Variants in AKAP13 observed in about 807,000 individuals in gnomAD.
AKAP13 encodes A-kinase anchoring protein 13, also known as A-kinase anchor protein 13.
In AKAP13, 80 loss-of-function variants were observed where a neutral mutation model predicts 264.5. The ratio of observed to expected loss-of-function variants is 0.30; its 90% CI spans 0.25 to 0.36. The LOEUF (loss-of-function observed/expected upper bound fraction) is 0.36, where lower values mean the gene tolerates loss of function less well. Ranked by LOEUF, AKAP13 falls within the 10% of genes least tolerant of loss-of-function variation. AKAP13 has a pLI of 1.00. For synonymous variants in AKAP13, 1,380 were observed against 1,250.2 expected (o/e 1.10, Z -2.19); for missense variants, 3,712 against 3,435.2 (o/e 1.08, Z -2.01).
intron 1 of AKAP13, among the ~76,000 whole-genome samples, chr15:85,390,146 C>T (rs1002306045): frequency 1.1e-4 from 17 of 152,118 alleles, no homozygotes; most frequent in African/African-American, 3.1e-4. Context: ...TTGTCAGGCA[C>T]GGTTCTAGGT....
chr15:85,536,327 A>G (rs2077396267), intron 4 of AKAP13: 1 of 152,256 alleles, frequency 6.6e-6, no homozygotes, highest in Non-Finnish European at 1.5e-5. Flanking sequence ...AAGATGAAGA[A>G]TACCAAGTGC....
chr15:85,723,206 A>G lies in AKAP13; in HGVS notation c.6631A>G (p.Lys2211Glu), dbSNP rs2087402491. 6.2e-7 allele frequency: 1 copy of G among 1,614,102 alleles called. No individual in the cohort carries two copies. The highest frequency in any genetic ancestry group is 1.3e-5 in the African/African-American group (1 of 74,950). The stretch of plus-strand genomic sequence containing the variant: ...TGAGATTTATACAAAGACAGATAGC[A>G]AGTCAATCATGAGGATGAAGAGTGG... ...LNEIYTKTDSKSIMRMKSGQM... is the reference protein window; with the variant it reads ...LNEIYTKTDSESIMRMKSGQM... The change falls in exon 26 of 37, where the codon AAG becomes GAG. Residue 2211 changes from lysine (K) to glutamate (E), a missense_variant. Physicochemically the swap from Lys to Glu is moderately conservative, Grantham distance 56 (BLOSUM62 1). Transcript: ENST00000394518.
intron 2 of AKAP13, among the ~76,000 whole-genome samples, chr15:85,501,279 A>G (rs2076030832): frequency 6.6e-6 from 1 of 152,254 alleles, no homozygotes; most frequent in South Asian, 2.1e-4. Flanking sequence ...TCCTCCACAA[A>G]TCCTCATTTT....
At position 85,616,507 on chromosome 15, in the gene AKAP13, G is replaced by A. The variant is rs188101979; in HGVS notation, c.4162-22867G>A. On this transcript the variant is annotated intron_variant, in intron 8 of 36. Coordinates refer to ENST00000394518, the MANE Select transcript of AKAP13 (RefSeq NM_007200.5). ...TAAAGAATCTGGGACCATTTGTGTGGATAGAGGGCAGGATGGAGGCTGCAG... is the reference window on the plus strand; with the variant it reads ...TAAAGAATCTGGGACCATTTGTGTGAATAGAGGGCAGGATGGAGGCTGCAG... Among the ~76,000 whole-genome samples, 249 of 152,320 alleles carry A rather than the reference G, an allele frequency of 1.6e-3. 2 individuals are homozygous for A. The highest frequency in any genetic ancestry group is 5.6e-3 in the African/African-American group (232 of 41,570).
intron 14 of AKAP13, among the ~76,000 whole-genome samples, chr15:85,671,605 C>A (rs1359021371): frequency 6.6e-6 from 1 of 150,616 alleles, no homozygotes. Context: ...AGAACTGTGA[C>A]AGAAATAGCT....
At chr15:85,465,184 C>T (rs2074682591) in intron 1 of AKAP13, among the ~76,000 whole-genome samples, 1 of 150,340 alleles carries the variant, frequency 6.7e-6, no homozygotes. Context: ...GATCTCCTGA[C>T]CTTGTGATCC....
intron 12 of AKAP13, among the ~76,000 whole-genome samples, chr15:85,664,136 C>T (rs2083478466): frequency 6.6e-6 from 1 of 152,158 alleles, no homozygotes; most frequent in South Asian, 2.1e-4. Flanking sequence ...GCAAGTTACC[C>T]AGTTTGCCTT....
intron 30 of AKAP13, among the ~76,000 whole-genome samples, chr15:85,733,974 G>C (rs1355106261): frequency 1.4e-5 from 2 of 147,830 alleles, no homozygotes; most frequent in African/African-American, 5.0e-5. Flanking sequence ...CTGAGTAGCT[G>C]GGTTTATGGG....
chr15:85,528,473 C>A (rs1358752128), intron 3 of AKAP13, among the ~76,000 whole-genome samples: 1 of 152,092 alleles, frequency 6.6e-6, no homozygotes, highest in African/African-American at 2.4e-5. Flanking sequence ...ATAAAAACTA[C>A]CAGTTTTAGT....
Position 85,521,538 on chromosome 15 carries a change from G to A in AKAP13, c.144G>A (p.Arg48=), listed in dbSNP as rs116628862. The A allele has an allele frequency of 1.2e-6, 2 of 1,614,140 alleles. No individual in the cohort carries two copies. Among genetic ancestry groups the A allele is most frequent in the East Asian group, 2.2e-5 (1 of 44,880 alleles). The change falls in exon 3 of 37, where the codon CGG becomes CGA. Residue 48 remains arginine, a synonymous_variant. Coordinates refer to ENST00000394518, the MANE Select transcript of AKAP13 (RefSeq NM_007200.5). ...CCCTCCGTCACTGTACAAGTACTCG[G>A]AAGGTCAGTTCTGATACATTGGAGA... ...GSTLRHCTST[R]KVSSDTLETI...
At chr15:85,495,298 C>T (rs910932437) in intron 2 of AKAP13, among the ~76,000 whole-genome samples, 1 of 151,956 alleles carries the variant, frequency 6.6e-6, no homozygotes, top group African/African-American at 2.4e-5. Context: ...CAACATGTTT[C>T]GGTGGGCATT....
intron 1 of AKAP13, among the ~76,000 whole-genome samples, chr15:85,396,425 G>A (rs1320800892): frequency 6.6e-6 from 1 of 152,088 alleles, no homozygotes; most frequent in South Asian, 2.1e-4. Flanking sequence ...ACAGTAGAAC[G>A]GTAGAATTGA....
intron 8 of AKAP13, among the ~76,000 whole-genome samples, chr15:85,591,107 G>A (rs1459476415): frequency 2.0e-5 from 3 of 152,178 alleles, no homozygotes; most frequent in African/African-American, 7.2e-5. Flanking sequence ...AAGATTTTCT[G>A]AAGTCCAGCA....
chr15:85,747,135 G>C lies in AKAP13; in HGVS notation c.*2458G>C, dbSNP rs967980604. 5 of 152,146 alleles carry C rather than the reference G, an allele frequency of 3.3e-5. No homozygotes were observed. Among genetic ancestry groups the C allele is most frequent in the Admixed American group, 3.3e-4 (5 of 15,266 alleles). 9.4% of individuals were successfully genotyped at this position (152,146 alleles called of 1,614,324 possible). A position where few individuals can be genotyped will look rare whatever the true frequency, so the allele number is the denominator to read the frequency against. ...AAGTTTAAAATCAAAGTAGTGCCCG[G>C]AATTCCCTCAAACCACCCAACTTCA... On this transcript the variant is annotated 3_prime_UTR_variant, in exon 37 of 37. Coordinates refer to ENST00000394518, the MANE Select transcript of AKAP13 (RefSeq NM_007200.5).
In AKAP13 at chr15:85,569,916, A is replaced by G. The variant is rs530510229; in HGVS notation, c.663-5215A>G. ...CATGGTGAAACCCCGTTGCTACTAA[A>G]AATACCAAAAATTAGCCGGGCATGG... On this transcript the variant is annotated intron_variant, in intron 5 of 36. Transcript: ENST00000394518. Among the ~76,000 whole-genome samples the G allele has an allele frequency of 3.3e-5, 5 of 152,044 alleles. No individual in the cohort carries two copies. The South Asian group carries it at 8.3e-4, about 25-fold the overall frequency.
intron 20 of AKAP13, among the ~76,000 whole-genome samples, chr15:85,716,136 C>A (rs564929388): frequency 1.3e-5 from 2 of 152,038 alleles, no homozygotes; most frequent in African/African-American, 4.8e-5. Context: ...CCTTAGCAGG[C>A]TGGTTGCTGT....
chr15:85,518,944 T>A (rs2076708098), intron 2 of AKAP13, among the ~76,000 whole-genome samples: 1 of 152,146 alleles, frequency 6.6e-6, no homozygotes, highest in Non-Finnish European at 1.5e-5. Flanking sequence ...ATTAGCCACC[T>A]CCTCTGTCCC....
At chr15:85,658,737 T>G in intron 12 of AKAP13, 147 bp downstream of exon 12, 1 of 486,090 alleles carries the variant, frequency 2.1e-6, no homozygotes, top group Non-Finnish European at 3.4e-6. Context: ...AGGTACTTAT[T>G]AATTGCTAGT....
chr15:85,517,928 C>A (rs770982128), intron 2 of AKAP13, among the ~76,000 whole-genome samples: 6 of 152,150 alleles, frequency 3.9e-5, no homozygotes, highest in Non-Finnish European at 8.8e-5. Context: ...TTCTTAAGTT[C>A]AGATTATTGG....
Sources: gnomAD v4.1 joint callset for allele counts (sites outside exome capture counted in the v4.1 genomes callset) on GRCh38, gnomAD v4.1.1 for gene constraint, MANE v1.5 for transcripts, NCBI Gene and HGNC (gene_info 2026-07-23, HGNC 2026-07-21) for gene names.